Variants in OSBP observed in about 807,000 individuals in gnomAD.
OSBP encodes oxysterol binding protein, also known as oxysterol-binding protein 1.
A neutral mutation model predicts 96.6 loss-of-function variants in OSBP; 32 were observed. The ratio of observed to expected loss-of-function variants is 0.33; its 90% CI spans 0.25 to 0.45. The LOEUF is 0.45. OSBP is among the 20% of genes least tolerant of loss of function. OSBP has a pLI of 1.00. For synonymous variants in OSBP, 369 were observed against 389.6 expected (o/e 0.95, Z 0.62); for missense variants, 653 against 1,029.7 (o/e 0.63, Z 5.01).
chr11:59,580,896 G>C (rs1325911322), intron 10 of OSBP, among the ~76,000 whole-genome samples: 1 of 152,132 alleles, frequency 6.6e-6, no homozygotes, highest in Non-Finnish European at 1.5e-5. Context: ...CTACTGTGAG[G>C]CCTTTCCTGA....
chr11:59,576,504 A>G lies in OSBP; in HGVS notation c.*73T>C. 2.7e-6 allele frequency: 4 copies of G among 1,509,016 alleles called. No homozygotes were observed. Among genetic ancestry groups the G allele is most frequent in the Non-Finnish European group, 3.6e-6 (4 of 1,115,926 alleles). The allele number at this position is 1,509,016 out of a possible 1,614,324, so 93.5% of individuals were successfully genotyped here. A position where few individuals can be genotyped will look rare whatever the true frequency, so the allele number is the denominator to read the frequency against. ...GAGGAAAGCACTTGGTAAGAGAGTC[A>G]CAACTTCCAGCTTTCCCACACATCC... On this transcript the variant is annotated 3_prime_UTR_variant, in exon 14 of 14. Coordinates refer to ENST00000263847, the MANE Select transcript of OSBP (RefSeq NM_002556.3).
At chr11:59,589,846 G>A (rs1450564147) in intron 9 of OSBP, among the ~76,000 whole-genome samples, 3 of 152,020 alleles carry the variant, frequency 2.0e-5, no homozygotes, top group East Asian at 3.9e-4. Context: ...AGCTGGGTGC[G>A]GTGGCGGGCA....
intron 7 of OSBP, among the ~76,000 whole-genome samples, chr11:59,596,437 T>G (rs997970502): frequency 2.0e-5 from 3 of 152,098 alleles, no homozygotes; most frequent in African/African-American, 7.2e-5. Flanking sequence ...CACACAGCCT[T>G]GCCCATCAAC....
intron 1 of OSBP, 86 bp from the exon 2 acceptor site, chr11:59,610,675 T>G: frequency 9.3e-7 from 1 of 1,079,826 alleles, no homozygotes; most frequent in Non-Finnish European, 1.4e-6. Context: ...AACTCTGAGC[T>G]CCCTGAAAAT....
rs1294026920 is a variant in OSBP, at chr11:59,615,557, G to A, written c.108C>T (p.Arg36=). The A allele has an allele frequency of 2.2e-6, 3 of 1,355,602 alleles. No individual in the cohort carries two copies. Among genetic ancestry groups the A allele is most frequent in the Admixed American group, 2.9e-5 (1 of 34,568 alleles). 84.0% of individuals were successfully genotyped at this position (1,355,602 alleles called of 1,614,324 possible). A position where few individuals can be genotyped will look rare whatever the true frequency, so the allele number is the denominator to read the frequency against. The change falls in exon 1 of 14, where the codon CGC becomes CGT. Residue 36 remains arginine, a synonymous_variant. Coordinates refer to ENST00000263847, the MANE Select transcript of OSBP (RefSeq NM_002556.3). ...GPPVVGGGGG[R]GDAGPGSGAA... ...CCCCGGAGCCTGGCCCCGCATCTCC[G>A]CGGCCGCCGCCTCCTCCCACCACTG...
intron 1 of OSBP, 40 bp from the exon 2 acceptor site, chr11:59,610,629 A>G: frequency 6.7e-7 from 1 of 1,494,300 alleles, no homozygotes; most frequent in Non-Finnish European, 9.3e-7. Flanking sequence ...CAGAAAGTTG[A>G]CGGTTTATCC....
In OSBP at chr11:59,592,353, T is replaced by A. The variant is rs928935874; in HGVS notation, c.1678+1251A>T. 1.3e-5 allele frequency among the ~76,000 whole-genome samples: 2 copies of A among 152,358 alleles called. 1 individual carries two copies. Among genetic ancestry groups the A allele is most frequent in the South Asian group, 4.1e-4 (2 of 4,834 alleles). On this transcript the variant is annotated intron_variant, in intron 9 of 13. Transcript: ENST00000263847. ...TGTTAGAAAACATTTATGAACTTTT[T>A]TTCTGGCTAATTTCTAGTTTGCACT...
intron 9 of OSBP, among the ~76,000 whole-genome samples, chr11:59,588,727 T>G (rs1436351832): frequency 6.6e-6 from 1 of 151,982 alleles, no homozygotes; most frequent in African/African-American, 2.4e-5. Context: ...AATTGGAGGC[T>G]GGGCGCAGTG....
At chr11:59,614,314 C>A (rs1009245444) in intron 1 of OSBP, among the ~76,000 whole-genome samples, 1 of 152,132 alleles carries the variant, frequency 6.6e-6, no homozygotes, top group Non-Finnish European at 1.5e-5. Context: ...GGGAATATTT[C>A]CCAACTCCTA....
At chr11:59,600,968 T>C in intron 5 of OSBP, 95 bp from the exon 6 acceptor site, 1 of 983,292 alleles carries the variant, frequency 1.0e-6, no homozygotes, top group Non-Finnish European at 1.6e-6. Flanking sequence ...CCAAGTACAC[T>C]GTATAAACTT....
chr11:59,607,270 C>T (rs1860791784), intron 3 of OSBP, among the ~76,000 whole-genome samples: 1 of 152,058 alleles, frequency 6.6e-6, no homozygotes, highest in African/African-American at 2.4e-5. Context: ...ACTGGAAAAC[C>T]AGGCACACAG....
intron 9 of OSBP, among the ~76,000 whole-genome samples, chr11:59,590,782 T>A (rs1423592394): frequency 2.6e-5 from 4 of 152,238 alleles, no homozygotes; most frequent in African/African-American, 9.6e-5. Context: ...CTCTGAGAAT[T>A]GAGTGCCATG....
intron 9 of OSBP, among the ~76,000 whole-genome samples, chr11:59,583,565 C>T (rs1158635933): frequency 1.3e-5 from 2 of 150,290 alleles, no homozygotes; most frequent in Non-Finnish European, 3.0e-5. Flanking sequence ...TCTCCTCATG[C>T]ATTATTTCAT....
chr11:59,582,551 A>C (rs1015221794), intron 9 of OSBP, among the ~76,000 whole-genome samples: 8 of 152,152 alleles, frequency 5.3e-5, no homozygotes, highest in Non-Finnish European at 1.0e-4. Context: ...GAATAATAAA[A>C]CGGTAATGAT....
intron 2 of OSBP, 70 bp downstream of exon 2, chr11:59,610,311 T>C: frequency 2.3e-6 from 3 of 1,309,264 alleles, no homozygotes; most frequent in South Asian, 1.2e-5. Context: ...AGCATAATGA[T>C]GACAAACAAA....
At position 59,580,274 on chromosome 11, in the gene OSBP, A is replaced by G; in HGVS notation, c.1783-5T>C. On this transcript the variant is annotated splice_region_variant and splice_polypyrimidine_tract_variant and intron_variant, in intron 10 of 13. Coordinates refer to ENST00000263847, the MANE Select transcript of OSBP (RefSeq NM_002556.3). ...CACAATATCAATTTCGCCAGACTGTAAAATGAAAAAATTCAGTTTTATTAA... is the reference window on the plus strand; with the variant it reads ...CACAATATCAATTTCGCCAGACTGTGAAATGAAAAAATTCAGTTTTATTAA... 6.3e-7 allele frequency: 1 copy of G among 1,588,212 alleles called. No homozygotes were observed.
chr11:59,605,035 C>G (rs760708723), intron 3 of OSBP, among the ~76,000 whole-genome samples: 1 of 151,882 alleles, frequency 6.6e-6, no homozygotes, highest in Non-Finnish European at 1.5e-5. Flanking sequence ...CGCCTGTAGT[C>G]CCAGCTACTT....
intron 9 of OSBP, among the ~76,000 whole-genome samples, chr11:59,591,992 C>T (rs1473075614): frequency 6.6e-6 from 1 of 152,110 alleles, no homozygotes; most frequent in Non-Finnish European, 1.5e-5. Flanking sequence ...GCTGACTGTA[C>T]CTAACCACCC....
chr11:59,615,117 T>C (rs961153755), intron 1 of OSBP, among the ~76,000 whole-genome samples, 186 bp downstream of exon 1: 4 of 152,014 alleles, frequency 2.6e-5, no homozygotes, highest in Admixed American at 1.3e-4. Context: ...AGGGGAGGTG[T>C]ACGTCCAGGG....
Sources: gnomAD v4.1 joint callset for allele counts (sites outside exome capture counted in the v4.1 genomes callset) on GRCh38, gnomAD v4.1.1 for gene constraint, MANE v1.5 for transcripts, NCBI Gene and HGNC (gene_info 2026-07-23, HGNC 2026-07-21) for gene names.